Variants in CCSER1 observed in about 807,000 individuals in gnomAD.
CCSER1 encodes coiled-coil serine rich protein 1, also known as serine-rich coiled-coil domain-containing protein 1.
CCSER1 carries 41 observed loss-of-function variants against 82.0 expected under a neutral mutation model. The observed-to-expected ratio is 0.50, with a 90% confidence interval of 0.39 to 0.65. CCSER1 has a LOEUF of 0.65. Ranked by LOEUF, CCSER1 falls within the 30% of genes least tolerant of loss-of-function variation. The pLI, the probability that CCSER1 is intolerant of heterozygous loss-of-function variation, is 0.00. For missense variants in CCSER1, 1,119 were observed against 1,064.2 expected, an observed-to-expected ratio of 1.05 and a Z score of -0.72; for synonymous variants, 414 against 383.9, an observed-to-expected ratio of 1.08 and a Z score of -0.92.
intron 9 of CCSER1, among the ~76,000 whole-genome samples, chr4:91,066,848 T>C (rs1239483501): frequency 2.6e-5 from 4 of 152,158 alleles, no homozygotes; most frequent in Non-Finnish European, 5.9e-5. Context: ...AAAGACCTTA[T>C]CTGTTTTGAC....
intron 8 of CCSER1, among the ~76,000 whole-genome samples, chr4:90,844,173 GA>G (rs1263958936): frequency 1.3e-5 from 2 of 151,432 alleles, no homozygotes; most frequent in African/African-American, 4.9e-5. Flanking sequence ...TAGATAGATA[GA>G]GAATATATAC....
At position 91,013,541 on chromosome 4, in the gene CCSER1, T is replaced by C. The variant is rs1215016367; in HGVS notation, c.2173-72409T>C. Among the ~76,000 whole-genome samples, 2 of 128,270 alleles carry C rather than the reference T, an allele frequency of 1.6e-5. 1 individual carries two copies. The highest frequency in any genetic ancestry group is 3.5e-5 in the Non-Finnish European group (2 of 56,858). The allele number at this position is 128,270 out of a possible 152,430, so 84.2% of individuals were successfully genotyped here. On this transcript the variant is annotated intron_variant, in intron 9 of 10. Coordinates refer to ENST00000509176, the MANE Select transcript of CCSER1 (RefSeq NM_001145065.2). Reference sequence around the variant, plus strand: ...TTTGTTCTTTCTCAAGACATATATATATATATATTTTTTTGCTAGTCTGTC... The same window carrying C: ...TTTGTTCTTTCTCAAGACATATATACATATATATTTTTTTGCTAGTCTGTC...
chr4:91,389,891 G>A (rs866652330), intron 10 of CCSER1, among the ~76,000 whole-genome samples: 41 of 152,034 alleles, frequency 2.7e-4, no homozygotes, highest in Admixed American at 1.8e-3. Flanking sequence ...TAATTGCTGT[G>A]TATAGAAAAG....
chr4:90,749,497 C>T (rs1359218718), intron 7 of CCSER1, among the ~76,000 whole-genome samples: 2 of 151,984 alleles, frequency 1.3e-5, no homozygotes, highest in Non-Finnish European at 2.9e-5. Context: ...GTTCTTTTGG[C>T]TTAGGATTGA....
chr4:90,714,966 T>C (rs1741356279), intron 6 of CCSER1, among the ~76,000 whole-genome samples: 3 of 152,008 alleles, frequency 2.0e-5, no homozygotes, highest in South Asian at 4.1e-4. Flanking sequence ...GCTCTAACAC[T>C]GTTCAAATGA....
In CCSER1 at chr4:90,822,226, G is replaced by T. The variant is rs143575779; in HGVS notation, c.2094+6381G>T. Among the ~76,000 whole-genome samples, 135 of 152,164 alleles carry T rather than the reference G, an allele frequency of 8.9e-4. 4 individuals are homozygous for T. In the South Asian group the frequency reaches 0.019, roughly 21 times the overall value. On this transcript the variant is annotated intron_variant, in intron 8 of 10. Coordinates refer to ENST00000509176, the MANE Select transcript of CCSER1 (RefSeq NM_001145065.2). Reference sequence around the variant, plus strand: ...GCTGTGAATTTACTGTTTTAACTTGGATGACAATTTACATATACACTTTCA... The same window carrying T: ...GCTGTGAATTTACTGTTTTAACTTGTATGACAATTTACATATACACTTTCA...
At chr4:91,141,667 G>A (rs1729045437) in intron 10 of CCSER1, among the ~76,000 whole-genome samples, 2 of 152,104 alleles carry the variant, frequency 1.3e-5, no homozygotes, top group African/African-American at 4.8e-5. Flanking sequence ...GCTGGGTTGA[G>A]TGGTAGTTCT....
At chr4:90,522,985 C>T (rs188030759) in intron 5 of CCSER1, among the ~76,000 whole-genome samples, 38 of 151,902 alleles carry the variant, frequency 2.5e-4, no homozygotes, top group Non-Finnish European at 4.1e-4. Context: ...ATTTTAAATC[C>T]CATAATCATT....
intron 9 of CCSER1, among the ~76,000 whole-genome samples, chr4:90,995,597 C>G (rs1272077109): frequency 6.6e-6 from 1 of 152,020 alleles, no homozygotes; most frequent in Non-Finnish European, 1.5e-5. Context: ...ACTTTCTACT[C>G]ACAGCCAACA....
intron 10 of CCSER1, among the ~76,000 whole-genome samples, chr4:91,381,348 A>G (rs1032617325): frequency 1.3e-5 from 2 of 152,152 alleles, no homozygotes; most frequent in East Asian, 1.9e-4. Context: ...GTGTTTTCCA[A>G]CTTGGTTCCA....
In CCSER1 at chr4:91,496,646, AATATATAT is replaced by A. The variant is rs1758853216; in HGVS notation, c.2218-101925_2218-101918del. On this transcript the variant is annotated intron_variant, in intron 10 of 10. Transcript: ENST00000509176. Reference sequence around the variant, plus strand: ...TATATATTTGAATATATATATATTCAATATATATTGAATATATATATATTCAATATATT... The same window carrying A: ...TATATATTTGAATATATATATATTCATGAATATATATATATTCAATATATT... Among the ~76,000 whole-genome samples the A allele has an allele frequency of 6.7e-5, 3 of 44,514 alleles. 1 individual carries two copies. The highest frequency in any genetic ancestry group is 1.9e-4 in the African/African-American group (3 of 16,016). The allele number at this position is 44,514 out of a possible 152,430, so 29.2% of individuals were successfully genotyped here.
intron 10 of CCSER1, among the ~76,000 whole-genome samples, chr4:91,088,188 C>G (rs1055207831): frequency 6.6e-6 from 1 of 152,014 alleles, no homozygotes; most frequent in Non-Finnish European, 1.5e-5. Flanking sequence ...CATTGTAATG[C>G]TATTATGATT....
intron 5 of CCSER1, among the ~76,000 whole-genome samples, chr4:90,477,573 A>C (rs968846621): frequency 6.6e-6 from 1 of 152,106 alleles, no homozygotes; most frequent in Admixed American, 6.5e-5. Flanking sequence ...GCTTTTAGAT[A>C]TTTCCTCAAA....
intron 10 of CCSER1, among the ~76,000 whole-genome samples, chr4:91,298,881 G>T (rs1744440148): frequency 1.3e-5 from 2 of 151,886 alleles, no homozygotes; most frequent in Admixed American, 1.3e-4. Context: ...AACCCAAAAG[G>T]GGGAAAATCA....
chr4:91,577,051 C>A (rs1170299845), intron 10 of CCSER1, among the ~76,000 whole-genome samples: 1 of 151,948 alleles, frequency 6.6e-6, no homozygotes, highest in Non-Finnish European at 1.5e-5. Context: ...ATGGAGCAAA[C>A]CTTCCAAATA....
chr4:90,998,726 T>G (rs1419157812), intron 9 of CCSER1, among the ~76,000 whole-genome samples: 1 of 81,598 alleles, frequency 1.2e-5, no homozygotes, highest in Non-Finnish European at 3.6e-5. Context: ...TTACACAGTT[T>G]TTTTTTTTTA....
chr4:91,270,718 T>C (rs1323534186), intron 10 of CCSER1, among the ~76,000 whole-genome samples: 1 of 152,220 alleles, frequency 6.6e-6, no homozygotes, highest in African/African-American at 2.4e-5. Flanking sequence ...AGTGCCACTT[T>C]CCAGCTTTGT....
At chr4:91,391,501 A>C (rs1195543900) in intron 10 of CCSER1, among the ~76,000 whole-genome samples, 1 of 151,840 alleles carries the variant, frequency 6.6e-6, no homozygotes, top group Non-Finnish European at 1.5e-5. Flanking sequence ...GTGTGTCCCT[A>C]TGTTGCCCAG....
intron 10 of CCSER1, among the ~76,000 whole-genome samples, chr4:91,491,828 GT>G (rs1362885636): frequency 6.6e-6 from 1 of 151,686 alleles, no homozygotes. Context: ...ATGATGAATG[GT>G]AAAAATATTA....
Sources: gnomAD v4.1 joint callset for allele counts (sites outside exome capture counted in the v4.1 genomes callset) on GRCh38, gnomAD v4.1.1 for gene constraint, MANE v1.5 for transcripts, NCBI Gene and HGNC (gene_info 2026-07-23, HGNC 2026-07-21) for gene names.